Variants in SPHKAP observed in about 807,000 individuals in gnomAD.
The protein encoded by SPHKAP is SPHK1 interactor, AKAP domain containing.
SPHKAP carries 67 observed loss-of-function variants against 137.5 expected under a neutral mutation model. That is an observed-to-expected ratio of 0.49 (90% CI 0.40 to 0.60). The LOEUF (loss-of-function observed/expected upper bound fraction) is 0.60. Among genes scored for constraint, SPHKAP ranks in the 20% least tolerant of loss-of-function variants. The pLI is 0.00. For synonymous variants in SPHKAP, 813 were observed against 785.3 expected (o/e 1.04, Z -0.59); for missense variants, 2,097 against 2,069.3 (o/e 1.01, Z -0.26).
In SPHKAP at chr2:228,017,993, C is replaced by T; in HGVS notation, c.2861G>A (p.Gly954Glu). Residue 954 changes from glycine (G) to glutamate (E), a missense_variant, in exon 7 of 12, where the codon GGA becomes GAA. Transcript: ENST00000392056. ...IAAICLDNSS[G>E]KQPWFCAWKR... ...CCATGCACAAAACCAGGGTTGTTTT[C>T]CACTGGAGTTGTCAAGGCAAATCGC... 6.2e-7 allele frequency: 1 copy of T among 1,614,130 alleles called. No homozygotes were observed.
intron 7 of SPHKAP, chr2:227,996,148 T>C (rs1693634285): frequency 1.0e-6 from 1 of 985,144 alleles, no homozygotes; most frequent in Non-Finnish European, 1.2e-6. Context: ...CCGTTTCTGG[T>C]GCTTTTTACC....
intron 7 of SPHKAP, among the ~76,000 whole-genome samples, chr2:228,006,376 G>A (rs1274434720): frequency 6.6e-6 from 1 of 152,128 alleles, no homozygotes; most frequent in South Asian, 2.1e-4. Flanking sequence ...CTCGTGCCAC[G>A]GTTTTCAGCT....
Position 228,048,060 on chromosome 2 carries a change from CA to C in SPHKAP, c.247-20518del, listed in dbSNP as rs1393887143. On this transcript the variant is annotated intron_variant, in intron 3 of 11. Transcript: ENST00000392056. ...GTGACAGAAGATTTACTTCTAAAGA[CA>C]ACGAGGAGGAGAAAAAAGTTGTATC... 2.0e-5 allele frequency among the ~76,000 whole-genome samples: 3 copies of C among 152,090 alleles called. No homozygotes were observed. In the East Asian group the frequency reaches 5.8e-4, roughly 29 times the overall value.
chr2:228,010,486 C>T (rs925574841), intron 7 of SPHKAP, among the ~76,000 whole-genome samples: 2 of 151,998 alleles, frequency 1.3e-5, no homozygotes, highest in African/African-American at 2.4e-5. Context: ...GAGCCGAGAT[C>T]GCACCACTGC....
At chr2:228,046,566 A>T (rs1182329573) in intron 3 of SPHKAP, among the ~76,000 whole-genome samples, 1 of 152,132 alleles carries the variant, frequency 6.6e-6, no homozygotes, top group Non-Finnish European at 1.5e-5. Context: ...CTTTAATGCT[A>T]CCAAAAATCA....
intron 4 of SPHKAP, chr2:228,025,877 T>G (rs1008179901): frequency 2.0e-6 from 2 of 984,812 alleles, no homozygotes; most frequent in African/African-American, 3.5e-5. Flanking sequence ...CATTTTTTGT[T>G]TTAACTAATA....
At chr2:228,128,411 T>C (rs1699143148) in intron 2 of SPHKAP, among the ~76,000 whole-genome samples, 1 of 152,192 alleles carries the variant, frequency 6.6e-6, no homozygotes, top group South Asian at 2.1e-4. Flanking sequence ...CTTCAGGCCC[T>C]ACTTCCAATT....
chr2:228,103,728 T>C (rs1698246995), intron 3 of SPHKAP, among the ~76,000 whole-genome samples: 1 of 152,208 alleles, frequency 6.6e-6, no homozygotes, highest in African/African-American at 2.4e-5. Flanking sequence ...AGGTTCTTAC[T>C]TTTCTACAGA....
chr2:228,180,679 C>T (rs1474800633), intron 1 of SPHKAP, among the ~76,000 whole-genome samples: 1 of 152,212 alleles, frequency 6.6e-6, no homozygotes, highest in Non-Finnish European at 1.5e-5. Context: ...GCGAGCGCTC[C>T]GCGCCCAGCG....
intron 2 of SPHKAP, among the ~76,000 whole-genome samples, chr2:228,110,684 C>G (rs888533796): frequency 1.3e-5 from 2 of 152,160 alleles, no homozygotes; most frequent in Admixed American, 6.5e-5. Flanking sequence ...TTTCCAGAGG[C>G]TACATGATGT....
intron 1 of SPHKAP, among the ~76,000 whole-genome samples, chr2:228,168,049 A>G (rs1700471591): frequency 6.6e-6 from 1 of 152,146 alleles, no homozygotes; most frequent in Non-Finnish European, 1.5e-5. Flanking sequence ...AATATCTAAC[A>G]AAACTTTAGC....
At chr2:227,984,082 C>T (rs907638560) in intron 11 of SPHKAP, among the ~76,000 whole-genome samples, 10 of 152,002 alleles carry the variant, frequency 6.6e-5, no homozygotes, top group East Asian at 5.8e-4. Flanking sequence ...AGGCTGATCA[C>T]GAGGTCAGGA....
chr2:228,160,373 G>C (rs1024696339), intron 1 of SPHKAP, among the ~76,000 whole-genome samples: 1 of 152,174 alleles, frequency 6.6e-6, no homozygotes, highest in Non-Finnish European at 1.5e-5. Flanking sequence ...ATTTATACAG[G>C]AAAGAGGTTT....
intron 3 of SPHKAP, among the ~76,000 whole-genome samples, chr2:228,044,675 T>C (rs867604669): frequency 6.6e-5 from 10 of 152,092 alleles, no homozygotes; most frequent in African/African-American, 2.4e-4. Context: ...GAAAAAGTAA[T>C]TGGAGAAAAA....
intron 3 of SPHKAP, among the ~76,000 whole-genome samples, chr2:228,099,918 C>T (rs1450578146): frequency 3.3e-5 from 5 of 151,696 alleles, no homozygotes; most frequent in East Asian, 1.9e-4. Flanking sequence ...GGCGCAATCT[C>T]GGCTCACTGC....
At chr2:228,014,261 T>G (rs1031368011) in intron 7 of SPHKAP, among the ~76,000 whole-genome samples, 4 of 152,202 alleles carry the variant, frequency 2.6e-5, no homozygotes, top group Non-Finnish European at 5.9e-5. Context: ...TAAAGAAGAC[T>G]CCAAGTCAGG....
At chr2:228,110,611 T>C (rs1462886134) in intron 2 of SPHKAP, among the ~76,000 whole-genome samples, 2 of 144,304 alleles carry the variant, frequency 1.4e-5, no homozygotes, top group Non-Finnish European at 3.1e-5. Flanking sequence ...ACTACTTTGA[T>C]AATAATACTA....
rs367705558 is a variant in SPHKAP, at chr2:228,018,629, A to G, written c.2225T>C (p.Ile742Thr). The change falls in exon 7 of 12, where the codon ATC (isoleucine) becomes ACC (threonine). Residue 742 changes from isoleucine (I) to threonine (T), a missense_variant. By Grantham distance (89) the Ile-to-Thr change is moderately conservative (BLOSUM62 -1). Transcript: ENST00000392056. ...ECPAVLSKET[I>T]RRRETEPSCQ... ...GCTTGGTTCTGTCTCCCTCCTTCTG[A>G]TGGTCTCCTTAGAAAGGACAGCAGG... 1.2e-6 allele frequency: 2 copies of G among 1,613,894 alleles called. No individual in the cohort carries two copies. The highest frequency in any genetic ancestry group is 2.7e-5 in the African/African-American group (2 of 74,892).
intron 3 of SPHKAP, among the ~76,000 whole-genome samples, chr2:228,052,980 A>G (rs1196195137): frequency 1.3e-5 from 2 of 152,150 alleles, no homozygotes; most frequent in African/African-American, 4.8e-5. Flanking sequence ...AGGCTGCCAT[A>G]CAAAATATAA....
Sources: gnomAD v4.1 joint callset for allele counts (sites outside exome capture counted in the v4.1 genomes callset) on GRCh38, gnomAD v4.1.1 for gene constraint, MANE v1.5 for transcripts, NCBI Gene and HGNC (gene_info 2026-07-23, HGNC 2026-07-21) for gene names.